Variants in ZCCHC10 observed in about 807,000 individuals in gnomAD.
ZCCHC10 encodes the protein zinc finger CCHC domain-containing protein 10.
A neutral mutation model predicts 19.5 loss-of-function variants in ZCCHC10; 16 were observed. That is an observed-to-expected ratio of 0.82 (90% CI 0.56 to 1.25). The LOEUF is 1.25. Ranked by LOEUF, ZCCHC10 falls within the 50% of genes most tolerant of loss-of-function variation. ZCCHC10 has a pLI of 0.00. For synonymous variants in ZCCHC10, 67 were observed against 72.5 expected (o/e 0.92, Z 0.38); for missense variants, 197 against 201.0 (o/e 0.98, Z 0.12).
chr5:132,998,986 G>A, intron 4 of ZCCHC10, 136 bp from the exon 5 acceptor site: 1 of 1,167,848 alleles, frequency 8.6e-7, no homozygotes, highest in Middle Eastern at 2.1e-4. Context: ...CACAATCTCA[G>A]CTCACTGCAA....
chr5:133,016,732 C>A (rs571656942), intron 2 of ZCCHC10, among the ~76,000 whole-genome samples: 1 of 152,246 alleles, frequency 6.6e-6, no homozygotes, highest in East Asian at 1.9e-4. Flanking sequence ...TGTGACCCAC[C>A]GCGCACAGCT....
chr5:133,017,939 T>C (rs935918088), intron 2 of ZCCHC10, among the ~76,000 whole-genome samples: 2 of 150,970 alleles, frequency 1.3e-5, no homozygotes, highest in African/African-American at 2.4e-5. Context: ...AAGCCAGGAG[T>C]TCGAGACTAG....
chr5:133,012,327 G>A (rs1174403145), intron 2 of ZCCHC10, among the ~76,000 whole-genome samples: 1 of 149,772 alleles, frequency 6.7e-6, no homozygotes, highest in Non-Finnish European at 1.5e-5. Context: ...AATTAGCCGG[G>A]TGTGGTGGTG....
intron 2 of ZCCHC10, among the ~76,000 whole-genome samples, chr5:133,009,620 A>AAAAAAAAAAAAAAAAAAAAT (rs1763363043): frequency 6.6e-6 from 1 of 151,368 alleles, no homozygotes; most frequent in African/African-American, 2.4e-5. Context: ...TCTCAAAAAA[A>AAAAAAAAAAAAAAAAAAAAT]AAAAAAAAAA....
intron 2 of ZCCHC10, among the ~76,000 whole-genome samples, chr5:133,012,772 C>T (rs1360451883): frequency 3.3e-5 from 5 of 151,732 alleles, no homozygotes; most frequent in African/African-American, 9.7e-5. Context: ...AAAAATAGGC[C>T]GGGTGTGGTG....
chr5:133,005,525 A>G (rs761681548), intron 3 of ZCCHC10, among the ~76,000 whole-genome samples: 3 of 152,012 alleles, frequency 2.0e-5, no homozygotes, highest in Non-Finnish European at 4.4e-5. Flanking sequence ...GAGGTGGGAG[A>G]ATTACTTGAA....
chr5:133,024,978 C>G (rs1379467867), intron 1 of ZCCHC10, among the ~76,000 whole-genome samples: 1 of 152,024 alleles, frequency 6.6e-6, no homozygotes, highest in African/African-American at 2.4e-5. Context: ...CTCCCTAAGT[C>G]TGTCTGTACA....
At chr5:133,010,610 T>C (rs1057323635) in intron 2 of ZCCHC10, among the ~76,000 whole-genome samples, 11 of 152,026 alleles carry the variant, frequency 7.2e-5, no homozygotes, top group Admixed American at 3.3e-4. Context: ...TAAAGACGAA[T>C]TGAGTTTCTA....
intron 2 of ZCCHC10, among the ~76,000 whole-genome samples, chr5:133,018,086 A>G (rs1395414910): frequency 6.6e-6 from 1 of 150,650 alleles, no homozygotes; most frequent in African/African-American, 2.4e-5. Flanking sequence ...CGGAGGGTGC[A>G]GTGAGCCGAG....
At chr5:133,014,318 C>T (rs928958616) in intron 2 of ZCCHC10, among the ~76,000 whole-genome samples, 1 of 152,068 alleles carries the variant, frequency 6.6e-6, no homozygotes, top group Non-Finnish European at 1.5e-5. Context: ...TGCCACCACG[C>T]CTGGCTAATT....
chr5:132,999,202 C>T (rs192340665), intron 4 of ZCCHC10, among the ~76,000 whole-genome samples: 162 of 152,194 alleles, frequency 1.1e-3, no homozygotes, highest in African/African-American at 3.9e-3. Context: ...GGATTACAGG[C>T]GTGAGCCACC....
At chr5:133,012,449 CA>C (rs1561545563) in intron 2 of ZCCHC10, among the ~76,000 whole-genome samples, 1 of 144,470 alleles carries the variant, frequency 6.9e-6, no homozygotes, top group Non-Finnish European at 1.5e-5. Context: ...GCCTAGGCAA[CA>C]GAGTGAGACT....
chr5:133,023,757 G>A (rs1764487554), intron 1 of ZCCHC10, among the ~76,000 whole-genome samples: 1 of 139,958 alleles, frequency 7.1e-6, no homozygotes, highest in Non-Finnish European at 1.5e-5. Context: ...GGCAACAAGA[G>A]CAAAACTCCA....
intron 2 of ZCCHC10, among the ~76,000 whole-genome samples, chr5:133,017,333 G>C (rs984151321): frequency 6.6e-6 from 1 of 152,002 alleles, no homozygotes. Flanking sequence ...TGTTCAGGAA[G>C]GGAAGAGGAA....
intron 2 of ZCCHC10, among the ~76,000 whole-genome samples, chr5:133,010,049 A>ATTTT (rs770318980): frequency 6.5e-5 from 9 of 138,526 alleles, no homozygotes; most frequent in East Asian, 2.1e-4. Context: ...TGGGTCAGCA[A>ATTTT]TTTTTTTTTT....
Position 132,997,785 on chromosome 5 carries a change from T to C in ZCCHC10, c.*798A>G, listed in dbSNP as rs1022423916. The C allele has an allele frequency of 6.6e-6, 1 of 152,196 alleles. No individual in the cohort carries two copies. The highest frequency in any genetic ancestry group is 1.5e-5 in the Non-Finnish European group (1 of 68,014). 9.4% of individuals were successfully genotyped at this position (152,196 alleles called of 1,614,324 possible). ...GCTTTGAATGGTACCTTTTATTGCA[T>C]GTTAATACACAAAGATATTTCTAGC... On this transcript the variant is annotated 3_prime_UTR_variant, in exon 5 of 5. Transcript: ENST00000509437.
chr5:133,017,057 C>T (rs1432607133), intron 2 of ZCCHC10, among the ~76,000 whole-genome samples: 1 of 152,058 alleles, frequency 6.6e-6, no homozygotes, highest in African/African-American at 2.4e-5. Flanking sequence ...TAAACTGCCT[C>T]GTGTGGATAT....
Position 132,998,340 on chromosome 5 carries a change from A to G in ZCCHC10, c.*243T>C. 1 of 368,130 alleles carries G rather than the reference A, an allele frequency of 2.7e-6. No individual in the cohort carries two copies. Among genetic ancestry groups the G allele is most frequent in the Non-Finnish European group, 5.0e-6 (1 of 201,728 alleles). The allele number at this position is 368,130 out of a possible 1,614,324, so 22.8% of individuals were successfully genotyped here. A position where few individuals can be genotyped will look rare whatever the true frequency, so the allele number is the denominator to read the frequency against. ...TCACACAAACAGATTTGCAGATTTC[A>G]GCTTTAAGTTCTAGAGATATATTTT... On this transcript the variant is annotated 3_prime_UTR_variant, in exon 5 of 5. Coordinates refer to ENST00000509437, the MANE Select transcript of ZCCHC10 (RefSeq NM_001300816.3).
chr5:133,016,072 T>C (rs1763900598), intron 2 of ZCCHC10, among the ~76,000 whole-genome samples: 1 of 152,206 alleles, frequency 6.6e-6, no homozygotes, highest in Non-Finnish European at 1.5e-5. Flanking sequence ...ATGGCTCCTT[T>C]ATTATTTGGG....
Sources: allele counts gnomAD v4.1 joint callset (sites outside exome capture counted in the v4.1 genomes callset), GRCh38; gene constraint gnomAD v4.1.1; transcripts MANE v1.5; gene names NCBI Gene and HGNC (gene_info 2026-07-23, HGNC 2026-07-21).